The following SH2D3C variants were observed in gnomAD, a reference collection of about 807,000 sequenced individuals.
The protein encoded by SH2D3C is SH2 domain containing 3C.
Under a neutral mutation model 75.2 loss-of-function variants are expected in SH2D3C, and 25 were observed. The ratio of observed to expected loss-of-function variants is 0.33; its 90% CI spans 0.24 to 0.46. SH2D3C has a LOEUF of 0.46. Among genes scored for constraint, SH2D3C ranks in the 20% least tolerant of loss-of-function variants. The probability of loss-of-function intolerance (pLI) is 1.00; values close to 1 mark genes in which losing one functional copy is unlikely to be tolerated. For missense variants in SH2D3C, 933 were observed against 1,165.3 expected (o/e 0.80, Z 2.90); for synonymous variants, 450 against 473.7 (o/e 0.95, Z 0.65).
chr9:127,771,382 T>G (rs1845736760), intron 2 of SH2D3C: 10 of 1,331,060 alleles, frequency 7.5e-6, no homozygotes, highest in Middle Eastern at 5.6e-4. Context: ...CCTGCGCTCC[T>G]TGCCCGGCCC....
chr9:127,742,305 C>G (rs1844887271), intron 8 of SH2D3C, among the ~76,000 whole-genome samples: 2 of 152,228 alleles, frequency 1.3e-5, no homozygotes, highest in South Asian at 4.1e-4. Flanking sequence ...GGCGCGATCC[C>G]TGCTCACTGC....
chr9:127,755,002 C>T (rs918513874), intron 3 of SH2D3C: 2 of 714,570 alleles, frequency 2.8e-6, no homozygotes, highest in African/African-American at 3.9e-5. Flanking sequence ...AGCTCCCCGG[C>T]TGGCTCTAGG....
intron 2 of SH2D3C, among the ~76,000 whole-genome samples, chr9:127,768,252 G>A (rs1274049788): frequency 6.6e-6 from 1 of 152,156 alleles, no homozygotes; most frequent in Non-Finnish European, 1.5e-5. Context: ...GGACTCTGGG[G>A]AGAGTTGGGA....
In SH2D3C at chr9:127,774,918, C is replaced by G. The variant is rs185321102; in HGVS notation, c.38-451G>C. ...CAGCCTGGACAACATGATGAAACCC[C>G]TTCTCTACTAACAATACAAACATTA... is the stretch of plus-strand genomic sequence containing the variant. On this transcript the variant is annotated intron_variant, in intron 1 of 11. Transcript: ENST00000314830. The surrounding 1 kb of genome is among the most constrained non-coding windows in gnomAD (Gnocchi z 4.3). Among the ~76,000 whole-genome samples, 351 of 151,614 alleles carry G rather than the reference C, an allele frequency of 2.3e-3. 2 individuals are homozygous for G. Among genetic ancestry groups the G allele is most frequent in the African/African-American group, 8.3e-3 (341 of 41,326 alleles).
chr9:127,744,798 C>T lies in SH2D3C; in HGVS notation c.1566G>A (p.Gly522=). ...TTTCTGACAGTTCCTTTAGCCTCTC[C>T]CCATAGCTCCTGGCCTGCTGGCTGG... The part of the protein sequence containing the change: ...ETSSQQARSY[G]ERLKELSENG... Residue 522 remains glycine, a synonymous_variant, in exon 7 of 12, where the codon GGG becomes GGA. Transcript: ENST00000314830. 1 of 1,614,236 alleles carries T rather than the reference C, an allele frequency of 6.2e-7. No individual in the cohort carries two copies. Among genetic ancestry groups the T allele is most frequent in the Non-Finnish European group, 8.5e-7 (1 of 1,180,046 alleles).
At chr9:127,755,307 G>T in intron 3 of SH2D3C, 2 of 1,041,638 alleles carry the variant, frequency 1.9e-6, no homozygotes, top group Non-Finnish European at 2.4e-6. Flanking sequence ...GGAGCGGGGA[G>T]GCGGGGCGGG....
chr9:127,764,643 C>A (rs1344031929), intron 2 of SH2D3C, among the ~76,000 whole-genome samples: 2 of 152,184 alleles, frequency 1.3e-5, no homozygotes, highest in African/African-American at 4.8e-5. Flanking sequence ...TCTATTCCTG[C>A]TGCCTGGAAT....
intron 3 of SH2D3C, among the ~76,000 whole-genome samples, chr9:127,755,732 A>T (rs1845362964): frequency 6.6e-6 from 1 of 151,980 alleles, no homozygotes; most frequent in African/African-American, 2.4e-5. Context: ...CACTGACAAG[A>T]CTCTGGGGGT....
intron 7 of SH2D3C, among the ~76,000 whole-genome samples, chr9:127,743,417 C>T (rs1844925507): frequency 1.3e-5 from 2 of 152,172 alleles, no homozygotes; most frequent in African/African-American, 4.8e-5. Context: ...GCAGGAGAAT[C>T]GCTTGAACCC....
rs1845789248 is a variant in SH2D3C, at chr9:127,774,951, G to A, written c.38-484C>T. Among the ~76,000 whole-genome samples, 1 of 152,104 alleles carries A rather than the reference G, an allele frequency of 6.6e-6. No homozygotes were observed. The highest frequency in any genetic ancestry group is 1.5e-5 in the Non-Finnish European group (1 of 68,030). On this transcript the variant is annotated intron_variant, in intron 1 of 11. Coordinates refer to ENST00000314830, the MANE Select transcript of SH2D3C (RefSeq NM_170600.3). The surrounding 1 kb of genome is among the most constrained non-coding windows in gnomAD (Gnocchi z 4.3). The stretch of plus-strand genomic sequence containing the variant: ...CTAACAATACAAACATTAGCCGGGT[G>A]TGGTGGCGCACCTGTAATCCCAGCT...
chr9:127,746,516 A>G lies in SH2D3C; in HGVS notation c.1264+631T>C, dbSNP rs570091031. Among the ~76,000 whole-genome samples, 27 of 152,334 alleles carry G rather than the reference A, an allele frequency of 1.8e-4. No individual in the cohort carries two copies. The South Asian group carries it at 5.4e-3, about 30-fold the overall frequency. On this transcript the variant is annotated intron_variant, in intron 6 of 11. Transcript: ENST00000314830. ...TAAAAAATAAAGTCTATTAAGAAAA[A>G]TAGAGGCCAGGTGCAGTGGCTCATG... is the stretch of plus-strand genomic sequence containing the variant.
chr9:127,739,196 A>G lies in SH2D3C; in HGVS notation c.2408-275T>C, dbSNP rs948711623. Reference sequence around the variant, plus strand: ...TTTCGTATTTTTCTGTTAAGTTCCAAATTATTTCCTAAGAAAGATGTATAC... The same window carrying G: ...TTTCGTATTTTTCTGTTAAGTTCCAGATTATTTCCTAAGAAAGATGTATAC... On this transcript the variant is annotated intron_variant, in intron 11 of 11. Coordinates refer to ENST00000314830, the MANE Select transcript of SH2D3C (RefSeq NM_170600.3). This position sits in a 1 kb window ranked among gnomAD's most constrained non-coding sequence, Gnocchi z 4.3. 1.3e-5 allele frequency among the ~76,000 whole-genome samples: 2 copies of G among 152,044 alleles called. No homozygotes were observed. Among genetic ancestry groups the G allele is most frequent in the Non-Finnish European group, 2.9e-5 (2 of 67,998 alleles).
At chr9:127,778,480 G>A (rs1294535491) in intron 1 of SH2D3C, 111 bp downstream of exon 1, 5 of 928,642 alleles carry the variant, frequency 5.4e-6, no homozygotes, top group Non-Finnish European at 8.9e-6. Context: ...AAAAGAAAAA[G>A]AGTGAGAGAG....
intron 7 of SH2D3C, among the ~76,000 whole-genome samples, chr9:127,744,272 T>C (rs1324597928): frequency 6.6e-6 from 1 of 152,008 alleles, no homozygotes; most frequent in African/African-American, 2.4e-5. Flanking sequence ...GGTTTCGCCA[T>C]GTTGCCCAGG....
rs970308714 is a variant in SH2D3C at position 127,739,534 on chromosome 9, A to C, written c.2407+148T>G. 15 of 625,322 alleles carry C rather than the reference A, an allele frequency of 2.4e-5. No homozygotes were observed. The East Asian group carries it at 3.5e-4, about 15-fold the overall frequency. 38.7% of individuals were successfully genotyped at this position (625,322 alleles called of 1,614,324 possible). A position where few individuals can be genotyped will look rare whatever the true frequency, so the allele number is the denominator to read the frequency against. ...CAAAAAAAAAAGAAAAAAGAAAAGAAAAGACATGAGAGGAAGGGGTCAGGG... is the reference window on the plus strand; with the variant it reads ...CAAAAAAAAAAGAAAAAAGAAAAGACAAGACATGAGAGGAAGGGGTCAGGG... On this transcript the variant is annotated intron_variant, in intron 11 of 11. Transcript: ENST00000314830. This position sits in a 1 kb window ranked among gnomAD's most constrained non-coding sequence, Gnocchi z 4.3.
chr9:127,758,908 G>A (rs1376239383), intron 3 of SH2D3C, among the ~76,000 whole-genome samples: 8 of 152,212 alleles, frequency 5.3e-5, no homozygotes, highest in Non-Finnish European at 5.9e-5. Context: ...GACTTCCCTC[G>A]CTGCTCCATT....
intron 2 of SH2D3C, among the ~76,000 whole-genome samples, chr9:127,773,047 T>G (rs1845760988): frequency 1.3e-5 from 2 of 152,098 alleles, no homozygotes; most frequent in Non-Finnish European, 2.9e-5. Flanking sequence ...TTAGCCAGGC[T>G]GTTTTCAAAC....
intron 9 of SH2D3C, among the ~76,000 whole-genome samples, chr9:127,741,020 T>G (rs998894042): frequency 6.6e-6 from 1 of 152,174 alleles, no homozygotes; most frequent in African/African-American, 2.4e-5. Flanking sequence ...GGCTCAGCTC[T>G]GAAGTCAGCC....
chr9:127,776,663 G>C (rs539834690), intron 1 of SH2D3C, among the ~76,000 whole-genome samples: 8 of 152,224 alleles, frequency 5.3e-5, no homozygotes, highest in African/African-American at 1.7e-4. Context: ...GTTCGCACCC[G>C]TGCTGGGATG....
Sources: gnomAD v4.1 joint callset for allele counts (sites outside exome capture counted in the v4.1 genomes callset) on GRCh38, gnomAD v4.1.1 for gene constraint, Gnocchi (gnomAD v3.1) non-coding constraint, MANE v1.5 for transcripts, NCBI Gene and HGNC (gene_info 2026-07-23, HGNC 2026-07-21) for gene names.